ZFR2: variants seen among roughly 807,000 people sequenced by gnomAD.
ZFR2 encodes the protein zinc finger RNA-binding protein 2.
Under a neutral mutation model 105.7 loss-of-function variants are expected in ZFR2, and 104 were observed. The ratio of observed to expected loss-of-function variants is 0.98; its 90% CI spans 0.84 to 1.16. ZFR2 has a LOEUF of 1.16. Among genes scored for constraint, ZFR2 ranks in the 50% most tolerant of loss-of-function variants. The probability of loss-of-function intolerance (pLI) is 0.00; values close to 1 mark genes in which losing one functional copy is unlikely to be tolerated. For missense variants in ZFR2, 1,425 were observed against 1,355.5 expected, an observed-to-expected ratio of 1.05 and a Z score of -0.80; for synonymous variants, 634 against 597.7, an observed-to-expected ratio of 1.06 and a Z score of -0.89.
At chr19:3,843,660 G>A (rs1599245765) in intron 1 of ZFR2, among the ~76,000 whole-genome samples, 1 of 151,826 alleles carries the variant, frequency 6.6e-6, no homozygotes, top group Admixed American at 6.6e-5. Context: ...GTGAAACCCT[G>A]TCTCTACTAA....
At chr19:3,843,018 G>T (rs936778174) in intron 1 of ZFR2, among the ~76,000 whole-genome samples, 3 of 152,170 alleles carry the variant, frequency 2.0e-5, no homozygotes, top group Non-Finnish European at 2.9e-5. Flanking sequence ...GCAGTTGCTC[G>T]AAAGTTAAAT....
chr19:3,821,334 G>T lies in ZFR2; in HGVS notation c.1631+6C>A. On this transcript the variant is annotated splice_donor_region_variant and intron_variant, in intron 10 of 18. Transcript: ENST00000262961. Reference sequence around the variant, plus strand: ...GGCCCCCTTGCCAAGACCCGCAGCCGGGCACCTCCTCTCCGCGTGCCAGCG... The same window carrying T: ...GGCCCCCTTGCCAAGACCCGCAGCCTGGCACCTCCTCTCCGCGTGCCAGCG... The T allele has an allele frequency of 1.3e-6, 2 of 1,582,774 alleles. No homozygotes were observed. Among genetic ancestry groups the T allele is most frequent in the East Asian group, 2.3e-5 (1 of 43,680 alleles).
chr19:3,816,584 G>C, intron 13 of ZFR2, 90 bp downstream of exon 13: 2 of 1,476,964 alleles, frequency 1.4e-6, no homozygotes. Flanking sequence ...AGTAACAAAG[G>C]TCCCCTGCCA....
At chr19:3,810,342 G>C (rs919298727) in intron 16 of ZFR2, among the ~76,000 whole-genome samples, 2 of 152,328 alleles carry the variant, frequency 1.3e-5, no homozygotes, top group South Asian at 2.1e-4. Context: ...GGATGGGCTG[G>C]GGGGTGGTGT....
In ZFR2 at chr19:3,831,285, G is replaced by A. The variant is rs1344800314; in HGVS notation, c.852+18C>T. 26 of 1,501,680 alleles carry A rather than the reference G, an allele frequency of 1.7e-5. No individual in the cohort carries two copies. The highest frequency in any genetic ancestry group is 2.3e-5 in the Non-Finnish European group (26 of 1,124,526). 93.0% of individuals were successfully genotyped at this position (1,501,680 alleles called of 1,614,324 possible). The stretch of plus-strand genomic sequence containing the variant: ...AGAGAGGTCCCTGGGGCCTGCCCAT[G>A]GCAGGAGGGCGACTGACCTGGGGGC... On this transcript the variant is annotated intron_variant, in intron 5 of 18. Coordinates refer to ENST00000262961, the MANE Select transcript of ZFR2 (RefSeq NM_015174.2).
At position 3,834,767 on chromosome 19, in the gene ZFR2, G is replaced by A; in HGVS notation, c.264+6C>T. The stretch of plus-strand genomic sequence containing the variant: ...GGCAACGCTGGTCAAAGAAAGGACT[G>A]GATACCTGGTAGGTAGCCATGGTGG... On this transcript the variant is annotated splice_donor_region_variant and intron_variant, in intron 2 of 18. Transcript: ENST00000262961. The surrounding 1 kb of genome is among the most constrained non-coding windows in gnomAD (Gnocchi z 5.3). The A allele has an allele frequency of 6.2e-7, 1 of 1,611,282 alleles. No homozygotes were observed. The highest frequency in any genetic ancestry group is 8.5e-7 in the Non-Finnish European group (1 of 1,179,702).
intron 1 of ZFR2, among the ~76,000 whole-genome samples, chr19:3,849,128 C>T (rs1359169992): frequency 6.6e-6 from 1 of 152,212 alleles, no homozygotes; most frequent in Non-Finnish European, 1.5e-5. Context: ...GTCCTGAGAC[C>T]TTGCCCCTCC....
chr19:3,836,752 A>T (rs1419516290), intron 1 of ZFR2, among the ~76,000 whole-genome samples: 1 of 152,168 alleles, frequency 6.6e-6, no homozygotes, highest in African/African-American at 2.4e-5. Flanking sequence ...TCCAAGGAGG[A>T]CCAGGGGCTC....
In ZFR2 at chr19:3,858,502, GA is replaced by G. The variant is rs1479274178; in HGVS notation, c.53+10462del. On this transcript the variant is annotated intron_variant, in intron 1 of 18. Transcript: ENST00000262961. This position sits in a 1 kb window ranked among gnomAD's most constrained non-coding sequence, Gnocchi z 4.3. ...AGATTTTCCTGGAATCACAGGCTGA[GA>G]AATGTCATCATTCTTTCTAAAAACA... Among the ~76,000 whole-genome samples, 25 of 152,308 alleles carry G rather than the reference GA, an allele frequency of 1.6e-4. No homozygotes were observed. The highest frequency in any genetic ancestry group is 5.8e-4 in the African/African-American group (24 of 41,580).
chr19:3,826,548 G>A (rs2037952495), intron 6 of ZFR2, among the ~76,000 whole-genome samples: 1 of 151,770 alleles, frequency 6.6e-6, no homozygotes, highest in Non-Finnish European at 1.5e-5. Context: ...CAATTCTCCT[G>A]CCTTAGCCTC....
At chr19:3,860,898 A>G (rs2038365966) in intron 1 of ZFR2, among the ~76,000 whole-genome samples, 1 of 152,166 alleles carries the variant, frequency 6.6e-6, no homozygotes, top group African/African-American at 2.4e-5. Context: ...TGTCAAGGGC[A>G]GGACAAGATG....
intron 6 of ZFR2, among the ~76,000 whole-genome samples, chr19:3,826,003 T>G (rs1278926104): frequency 6.6e-6 from 1 of 152,046 alleles, no homozygotes; most frequent in East Asian, 1.9e-4. Flanking sequence ...CGCTGTACCC[T>G]GGTACAAGAC....
rs770932131 is a variant in ZFR2 at position 3,821,452 on chromosome 19, CAATGGG to C, written c.1513_1518del (p.Pro505_Ile506del). 9 of 1,607,786 alleles carry C rather than the reference CAATGGG, an allele frequency of 5.6e-6. No homozygotes were observed. Among genetic ancestry groups the C allele is most frequent in the Non-Finnish European group, 7.7e-6 (9 of 1,176,076 alleles). ...CGAGCCCGGCTGCTGGGCTCCGTGGCAATGGGAAGGTCCGGGTTCACTTTCTTCTGG... is the reference window on the plus strand; with the variant it reads ...CGAGCCCGGCTGCTGGGCTCCGTGGCAAGGTCCGGGTTCACTTTCTTCTGG... On this transcript the variant is annotated inframe_deletion, in exon 10 of 19. Coordinates refer to ENST00000262961, the MANE Select transcript of ZFR2 (RefSeq NM_015174.2).
At chr19:3,846,388 G>C (rs943947012) in intron 1 of ZFR2, among the ~76,000 whole-genome samples, 1 of 152,186 alleles carries the variant, frequency 6.6e-6, no homozygotes, top group Non-Finnish European at 1.5e-5. Flanking sequence ...TTGCCGACTC[G>C]AAAAGCCACA....
chr19:3,807,333 G>A (rs969358438), intron 17 of ZFR2, 64 bp from the exon 18 acceptor site: 6 of 1,299,328 alleles, frequency 4.6e-6, no homozygotes, highest in Non-Finnish European at 6.5e-6. Context: ...ACGGTGACAG[G>A]GCCGTCCCTC....
chr19:3,825,389 T>G lies in ZFR2; in HGVS notation c.1054A>C (p.Lys352Gln). 6.3e-7 allele frequency: 1 copy of G among 1,584,174 alleles called. No individual in the cohort carries two copies. Among genetic ancestry groups the G allele is most frequent in the Non-Finnish European group, 8.6e-7 (1 of 1,167,546 alleles). Residue 352 changes from lysine (K) to glutamine (Q), a missense_variant, in exon 7 of 19, where the codon AAA (lysine) becomes CAA (glutamine). Lys to Gln is a moderately conservative substitution (Grantham distance 53). Coordinates refer to ENST00000262961, the MANE Select transcript of ZFR2 (RefSeq NM_015174.2). The stretch of plus-strand genomic sequence containing the variant: ...AGGGTGGGAATGGGCTTCCCCAGTT[T>G]GGCGTGCAGCTTGAAGACCTGCAAC... The part of the protein sequence containing the change: ...KHQKVFKLHA[K>Q]LGKPIPTLEP...
At position 3,807,282 on chromosome 19, in the gene ZFR2, G is replaced by A. The variant is rs566092274; in HGVS notation, c.2546-13C>T. 2.1e-5 allele frequency: 32 copies of A among 1,542,852 alleles called. 1 individual carries two copies. Among genetic ancestry groups the A allele is most frequent in the African/African-American group, 1.9e-4 (14 of 73,080 alleles). On this transcript the variant is annotated splice_polypyrimidine_tract_variant and intron_variant, in intron 17 of 18. Transcript: ENST00000262961. ...AGCCCGGGCCCGTCTTTGTGACGGG[G>A]AGTGGGAACAGCAAAGAAGGCGAGA...
chr19:3,826,129 G>T (rs543712774), intron 6 of ZFR2, among the ~76,000 whole-genome samples: 12 of 151,936 alleles, frequency 7.9e-5, no homozygotes, highest in South Asian at 6.2e-4. Flanking sequence ...CTAGCTCTCC[G>T]GTCCCCAGGC....
chr19:3,848,676 G>A (rs570778390), intron 1 of ZFR2, among the ~76,000 whole-genome samples: 30 of 151,914 alleles, frequency 2.0e-4, no homozygotes, highest in African/African-American at 7.2e-4. Context: ...GGGCAACAGA[G>A]CAAGACCCCA....
Sources: allele counts gnomAD v4.1 joint callset (sites outside exome capture counted in the v4.1 genomes callset), GRCh38; gene constraint gnomAD v4.1.1; non-coding constraint Gnocchi (gnomAD v3.1); transcripts MANE v1.5; gene names NCBI Gene and HGNC (gene_info 2026-07-23, HGNC 2026-07-21).